The following MXD4 variants were observed in gnomAD, a reference collection of about 807,000 sequenced individuals.
MXD4 encodes Mad4 homolog.
MXD4 carries 16 observed loss-of-function variants against 24.5 expected under a neutral mutation model. That is an observed-to-expected ratio of 0.65 (90% CI 0.44 to 0.99). The LOEUF is 0.99. Among genes scored for constraint, MXD4 ranks in the 50% least tolerant of loss-of-function variants. The probability of loss-of-function intolerance (pLI) is 0.00; values close to 1 mark genes in which losing one functional copy is unlikely to be tolerated. For missense variants in MXD4, 301 were observed against 301.5 expected, an observed-to-expected ratio of 1.00 and a Z score of 0.01; for synonymous variants, 164 against 134.2, an observed-to-expected ratio of 1.22 and a Z score of -1.54.
chr4:2,256,787 C>T (rs543432281), intron 3 of MXD4, among the ~76,000 whole-genome samples: 6 of 152,224 alleles, frequency 3.9e-5, no homozygotes, highest in African/African-American at 1.2e-4. Context: ...AGGGCTGCCA[C>T]GCCCTTGCCA....
In MXD4 at chr4:2,249,627, G is replaced by C. The variant is rs1577815548; in HGVS notation, c.*917C>G. 6.6e-6 allele frequency: 1 copy of C among 152,316 alleles called. No homozygotes were observed. The highest frequency in any genetic ancestry group is 1.5e-5 in the Non-Finnish European group (1 of 68,072). 9.4% of individuals were successfully genotyped at this position (152,316 alleles called of 1,614,324 possible). A position where few individuals can be genotyped will look rare whatever the true frequency, so the allele number is the denominator to read the frequency against. On this transcript the variant is annotated 3_prime_UTR_variant, in exon 6 of 6. Coordinates refer to ENST00000337190, the MANE Select transcript of MXD4 (RefSeq NM_006454.3). ...AGATGAGTAAGCCCCCGAGGACCCA[G>C]CGGCTGCAACTTAACCAGCCTCCAG...
Position 2,251,111 on chromosome 4 carries a change from C to A in MXD4, c.445G>T (p.Ala149Ser), listed in dbSNP as rs1168000784. Residue 149 changes from alanine (A) to serine (S), a missense_variant, in exon 5 of 6, where the codon GCT becomes TCT. By Grantham distance (99) the Ala-to-Ser change is moderately conservative (BLOSUM62 1). Coordinates refer to ENST00000337190, the MANE Select transcript of MXD4 (RefSeq NM_006454.3). ...TGCTCTGAGTCGTCCGTGGAGACAG[C>A]AGAGCCCGTGCTATCTGTGCGCACG... is the stretch of plus-strand genomic sequence containing the variant. ...ERVRTDSTGSAVSTDDSEQEV... is the reference protein window; with the variant it reads ...ERVRTDSTGSSVSTDDSEQEV... 1 of 1,584,932 alleles carries A rather than the reference C, an allele frequency of 6.3e-7. No individual in the cohort carries two copies. Among genetic ancestry groups the A allele is most frequent in the Non-Finnish European group, 8.6e-7 (1 of 1,161,634 alleles).
At chr4:2,260,083 C>T (rs74678675) in intron 2 of MXD4, among the ~76,000 whole-genome samples, 2,776 of 152,358 alleles carry the variant, frequency 0.018, 88 homozygotes, top group African/African-American at 0.061. Context: ...CAGGGCAGTG[C>T]TGCCCACCCG....
intron 3 of MXD4, among the ~76,000 whole-genome samples, chr4:2,257,058 T>A (rs565593235): frequency 1.2e-4 from 18 of 152,286 alleles, no homozygotes; most frequent in African/African-American, 4.1e-4. Context: ...GGAAGTGCAG[T>A]TCCTCAGAGA....
chr4:2,258,652 C>T (rs748408443), intron 2 of MXD4, among the ~76,000 whole-genome samples: 8 of 152,228 alleles, frequency 5.3e-5, no homozygotes, highest in Non-Finnish European at 7.3e-5. Flanking sequence ...CTCGGGCTCA[C>T]ACACCTGCGT....
chr4:2,254,240 C>T (rs902917304), intron 3 of MXD4: 2 of 151,972 alleles, frequency 1.3e-5, no homozygotes, highest in Non-Finnish European at 2.9e-5. Context: ...CGAATTCCAC[C>T]ACCCCAAAAC....
In MXD4 at chr4:2,250,486, T is replaced by C. The variant is rs984475329; in HGVS notation, c.*58A>G. On this transcript the variant is annotated 3_prime_UTR_variant, in exon 6 of 6. Coordinates refer to ENST00000337190, the MANE Select transcript of MXD4 (RefSeq NM_006454.3). ...AGGCTGGCGTCAACTGAAGGAGAACTGGAGGGCTGACACGCGTGGCTGGCG... is the reference window on the plus strand; with the variant it reads ...AGGCTGGCGTCAACTGAAGGAGAACCGGAGGGCTGACACGCGTGGCTGGCG... 2.0e-6 allele frequency: 3 copies of C among 1,485,984 alleles called. No homozygotes were observed. The highest frequency in any genetic ancestry group is 4.9e-5 in the East Asian group (2 of 40,468). The allele number at this position is 1,485,984 out of a possible 1,614,324, so 92.0% of individuals were successfully genotyped here. A position where few individuals can be genotyped will look rare whatever the true frequency, so the allele number is the denominator to read the frequency against.
rs1735283469 is a variant in MXD4 at position 2,250,022 on chromosome 4, T to C, written c.*522A>G. On this transcript the variant is annotated 3_prime_UTR_variant, in exon 6 of 6. Coordinates refer to ENST00000337190, the MANE Select transcript of MXD4 (RefSeq NM_006454.3). The stretch of plus-strand genomic sequence containing the variant: ...ACCTTAACCACCCACCTGCCCCAGG[T>C]GCTCACCCAGTTCCCGCCCTTCACA... The C allele has an allele frequency of 6.4e-6, 1 of 155,758 alleles. No homozygotes were observed. Among genetic ancestry groups the C allele is most frequent in the Non-Finnish European group, 1.4e-5 (1 of 69,428 alleles). 9.6% of individuals were successfully genotyped at this position (155,758 alleles called of 1,614,324 possible). A position where few individuals can be genotyped will look rare whatever the true frequency, so the allele number is the denominator to read the frequency against.
rs149607377 is a variant in MXD4, at chr4:2,251,144, C to T, written c.412G>A (p.Val138Met). 139 of 1,599,920 alleles carry T rather than the reference C, an allele frequency of 8.7e-5. No homozygotes were observed. Among genetic ancestry groups the T allele is most frequent in the Middle Eastern group, 1.8e-4 (1 of 5,646 alleles). Residue 138 changes from valine (V) to methionine (M), a missense_variant, in exon 5 of 6, where the codon GTG (valine) becomes ATG (methionine). Val to Met is a conservative substitution (Grantham distance 21). Transcript: ENST00000337190. ...RRLEQLSVQS[V>M]ERVRTDSTGS... The stretch of plus-strand genomic sequence containing the variant: ...GTGCTATCTGTGCGCACGCGCTCCA[C>T]GCTCTGCACCGACAGCTGCTCCAGG...
chr4:2,259,571 C>T (rs1203896977), intron 2 of MXD4, among the ~76,000 whole-genome samples: 1 of 152,178 alleles, frequency 6.6e-6, no homozygotes, highest in African/African-American at 2.4e-5. Flanking sequence ...TCAGCAGGTG[C>T]CCTTCAACAT....
intron 3 of MXD4, chr4:2,254,191 C>G (rs1735377325): frequency 6.6e-6 from 1 of 151,398 alleles, no homozygotes; most frequent in East Asian, 1.9e-4. Context: ...TGCAAATCAA[C>G]AAAAAGGAAA....
Position 2,250,410 on chromosome 4 carries a change from G to A in MXD4, c.*134C>T, listed in dbSNP as rs1735292837. 5 of 1,207,440 alleles carry A rather than the reference G, an allele frequency of 4.1e-6. No homozygotes were observed. The South Asian group carries it at 8.0e-5, about 19-fold the overall frequency. The allele number at this position is 1,207,440 out of a possible 1,614,324, so 74.8% of individuals were successfully genotyped here. On this transcript the variant is annotated 3_prime_UTR_variant, in exon 6 of 6. Coordinates refer to ENST00000337190, the MANE Select transcript of MXD4 (RefSeq NM_006454.3). ...ACCGGCAAGCGGGCAGTGCCAGGCA[G>A]CCCAGCAGCAGCTGGAGCTTCCAGA...
rs191839918 is a variant in MXD4, at chr4:2,252,193, G to A, written c.309+215C>T. Among the ~76,000 whole-genome samples the A allele has an allele frequency of 1.7e-3, 262 of 152,188 alleles. 1 individual carries two copies. The highest frequency in any genetic ancestry group is 5.9e-3 in the African/African-American group (246 of 41,534). Reference sequence around the variant, plus strand: ...ACCCAACAAACCCGACACAAGCCACGGAACAGCCTCGACCCCTTGGCAGCT... The same window carrying A: ...ACCCAACAAACCCGACACAAGCCACAGAACAGCCTCGACCCCTTGGCAGCT... On this transcript the variant is annotated intron_variant, in intron 4 of 5. Coordinates refer to ENST00000337190, the MANE Select transcript of MXD4 (RefSeq NM_006454.3).
chr4:2,251,708 C>CTTCCTGTGGGCCCCA lies in MXD4; in HGVS notation c.310-477_310-463dup, dbSNP rs1486060154. Among the ~76,000 whole-genome samples the CTTCCTGTGGGCCCCA allele has an allele frequency of 1.4e-4, 22 of 152,372 alleles. No individual in the cohort carries two copies. In the East Asian group the frequency reaches 3.9e-3, roughly 27 times the overall value. On this transcript the variant is annotated intron_variant, in intron 4 of 5. Coordinates refer to ENST00000337190, the MANE Select transcript of MXD4 (RefSeq NM_006454.3). ...CACCTGTGCCCTGCCCTCTCTAAACCTTCCTGTGGGCCCCACTGAGACACT... is the reference window on the plus strand; with the variant it reads ...CACCTGTGCCCTGCCCTCTCTAAACCTTCCTGTGGGCCCCATTCCTGTGGGCCCCACTGAGACACT...
At chr4:2,261,621 G>T in intron 2 of MXD4, 104 bp downstream of exon 2, 1 of 587,268 alleles carries the variant, frequency 1.7e-6, no homozygotes, top group South Asian at 7.4e-5. Flanking sequence ...GCGCGGCGGC[G>T]GCGCTGAGGG....
chr4:2,255,164 G>A, intron 3 of MXD4: 1 of 389,998 alleles, frequency 2.6e-6, no homozygotes, highest in Non-Finnish European at 5.2e-6. Context: ...CGTACGTGGT[G>A]TCGGGTGAAA....
At chr4:2,257,076 G>A (rs1391713759) in intron 3 of MXD4, among the ~76,000 whole-genome samples, 5 of 152,288 alleles carry the variant, frequency 3.3e-5, no homozygotes, top group Admixed American at 1.3e-4. Context: ...AGAACACTGC[G>A]TTCTGTCCCT....
chr4:2,251,068 G>A lies in MXD4; in HGVS notation c.472+16C>T, dbSNP rs1303740256. The A allele has an allele frequency of 1.8e-5, 28 of 1,545,832 alleles. No individual in the cohort carries two copies. Among genetic ancestry groups the A allele is most frequent in the South Asian group, 2.4e-5 (2 of 84,128 alleles). On this transcript the variant is annotated intron_variant, in intron 5 of 5. Coordinates refer to ENST00000337190, the MANE Select transcript of MXD4 (RefSeq NM_006454.3). Reference sequence around the variant, plus strand: ...CCGGAGGCCCAGGTGAGGCTGCCCCGCGCCCCACGCCCCACCTTGCTCTGA... The same window carrying A: ...CCGGAGGCCCAGGTGAGGCTGCCCCACGCCCCACGCCCCACCTTGCTCTGA...
At chr4:2,258,797 T>C in intron 2 of MXD4, 1 of 414,562 alleles carries the variant, frequency 2.4e-6, no homozygotes, top group Non-Finnish European at 4.9e-6. Flanking sequence ...GCCCTCCCAC[T>C]TCCCTCAGGG....
Sources: allele counts gnomAD v4.1 joint callset (sites outside exome capture counted in the v4.1 genomes callset), GRCh38; gene constraint gnomAD v4.1.1; transcripts MANE v1.5; gene names NCBI Gene and HGNC (gene_info 2026-07-23, HGNC 2026-07-21).